The following PARP6 variants were observed in gnomAD, a reference collection of about 807,000 sequenced individuals.
The protein encoded by PARP6 is poly(ADP-ribose) polymerase family member 6.
Under a neutral mutation model 92.0 loss-of-function variants are expected in PARP6, and 27 were observed. The observed-to-expected ratio is 0.29, with a 90% CI of 0.22 to 0.40. The LOEUF (loss-of-function observed/expected upper bound fraction) is 0.40. Ranked by LOEUF, PARP6 falls within the 10% of genes least tolerant of loss-of-function variation. The pLI, the probability that PARP6 is intolerant of heterozygous loss-of-function variation, is 1.00. For missense variants in PARP6, 501 were observed against 784.5 expected, an observed-to-expected ratio of 0.64 and a Z score of 4.32; for synonymous variants, 272 against 281.2, an observed-to-expected ratio of 0.97 and a Z score of 0.33.
chr15:72,261,459 C>T, intron 9 of PARP6, 99 bp downstream of exon 9: 2 of 1,062,028 alleles, frequency 1.9e-6, no homozygotes, highest in Non-Finnish European at 2.8e-6. Flanking sequence ...AGACAGAATT[C>T]AGGGAAGAGA....
intron 8 of PARP6, 90 bp from the exon 9 acceptor site, chr15:72,261,797 C>T: frequency 8.0e-7 from 1 of 1,246,656 alleles, no homozygotes. Flanking sequence ...AAATTCAGAC[C>T]CAAGGACTGC....
At chr15:72,243,060 A>C in intron 20 of PARP6, 1 of 226,112 alleles carries the variant, frequency 4.4e-6, no homozygotes, top group African/African-American at 2.3e-5. Context: ...AGGATACAGA[A>C]GGCCTGAAGG....
At chr15:72,269,269 T>C (rs1028914409) in intron 2 of PARP6, among the ~76,000 whole-genome samples, 3 of 152,166 alleles carry the variant, frequency 2.0e-5, no homozygotes, top group African/African-American at 7.2e-5. Flanking sequence ...CAAGCAATTC[T>C]CCTGTCTCAG....
chr15:72,270,295 G>T (rs1210738800), intron 2 of PARP6, among the ~76,000 whole-genome samples: 1 of 152,126 alleles, frequency 6.6e-6, no homozygotes, highest in African/African-American at 2.4e-5. Context: ...GATAACAGAT[G>T]AAATAAATAC....
At chr15:72,266,086 G>T (rs1031790625) in intron 4 of PARP6, 95 bp from the exon 5 acceptor site, 1 of 868,656 alleles carries the variant, frequency 1.2e-6, no homozygotes, top group Non-Finnish European at 1.9e-6. Context: ...ACCAGGAACA[G>T]GAGAAATCAG....
At chr15:72,268,568 T>G (rs1423804007) in intron 2 of PARP6, among the ~76,000 whole-genome samples, 3 of 152,202 alleles carry the variant, frequency 2.0e-5, no homozygotes, top group Non-Finnish European at 4.4e-5. Context: ...TGTGGTGGCG[T>G]GCGCTTACGA....
chr15:72,256,842 G>C (rs899166069), intron 13 of PARP6, among the ~76,000 whole-genome samples: 2 of 152,244 alleles, frequency 1.3e-5, no homozygotes, highest in Middle Eastern at 3.4e-3. Flanking sequence ...TATCCTTCCA[G>C]ATAATTTTCC....
chr15:72,264,481 C>A, intron 8 of PARP6, 74 bp downstream of exon 8: 1 of 1,113,168 alleles, frequency 9.0e-7, no homozygotes, highest in Non-Finnish European at 1.4e-6. Flanking sequence ...AAGGCTCTGC[C>A]TGTCCATCCA....
chr15:72,264,184 T>C (rs2086263401), intron 8 of PARP6, among the ~76,000 whole-genome samples: 1 of 152,236 alleles, frequency 6.6e-6, no homozygotes, highest in Non-Finnish European at 1.5e-5. Context: ...TTCATTTCTT[T>C]GCATACCAAA....
chr15:72,249,320 AG>A lies in PARP6; in HGVS notation c.1492-7del. On this transcript the variant is annotated splice_region_variant and splice_polypyrimidine_tract_variant and intron_variant, in intron 19 of 23. Transcript: ENST00000569795. ...CCATAGGCTGCTCCATGCAGCTTGC[AG>A]GGAAACACCAGGATGAGTAATATGA... 6.4e-7 allele frequency: 1 copy of A among 1,571,204 alleles called. No individual in the cohort carries two copies. The highest frequency in any genetic ancestry group is 8.7e-7 in the Non-Finnish European group (1 of 1,145,702).
rs779847488 is a variant in PARP6, at chr15:72,265,451, C to A, written c.199G>T (p.Val67Leu). The A allele has an allele frequency of 1.2e-6, 2 of 1,613,348 alleles. No individual in the cohort carries two copies. Among genetic ancestry groups the A allele is most frequent in the East Asian group, 2.2e-5 (1 of 44,890 alleles). The stretch of plus-strand genomic sequence containing the variant: ...ATGTTGATGTGGAGGTCAATGTCCA[C>A]GTCATCGATAGTTCCATATTCTCTA... Reference protein sequence around the residue: ...SIREYGTIDDVDIDLHINISF... With the variant: ...SIREYGTIDDLDIDLHINISF... Residue 67 changes from valine (V) to leucine (L), a missense_variant, in exon 6 of 24, where the codon GTG becomes TTG. Physicochemically the swap from Val to Leu is conservative, Grantham distance 32. Coordinates refer to ENST00000569795, the MANE Select transcript of PARP6 (RefSeq NM_001323532.2).
intron 16 of PARP6, among the ~76,000 whole-genome samples, chr15:72,251,755 T>G (rs2140957796): frequency 6.6e-6 from 1 of 152,292 alleles, no homozygotes; most frequent in South Asian, 2.1e-4. Flanking sequence ...AGTTACTGTC[T>G]AGGCTGGAAA....
intron 9 of PARP6, 106 bp from the exon 10 acceptor site, chr15:72,260,794 A>C: frequency 1.3e-6 from 1 of 796,258 alleles, no homozygotes; most frequent in Admixed American, 1.9e-5. Flanking sequence ...AAACTAAAGA[A>C]AGACAAACTC....
chr15:72,270,029 T>A (rs1187659881), intron 2 of PARP6, among the ~76,000 whole-genome samples: 2 of 152,168 alleles, frequency 1.3e-5, no homozygotes, highest in African/African-American at 2.4e-5. Context: ...TAGTTCTAGA[T>A]CCTTGTGTGT....
chr15:72,253,071 G>C (rs2140970243), intron 16 of PARP6, among the ~76,000 whole-genome samples: 1 of 151,496 alleles, frequency 6.6e-6, no homozygotes, highest in African/African-American at 2.4e-5. Flanking sequence ...CCCAGCTACT[G>C]GGGAGGCTGA....
rs12438785 is a variant in PARP6 at position 72,267,988 on chromosome 15, G to T, written c.-194-317C>A. 2.0e-3 allele frequency among the ~76,000 whole-genome samples: 301 copies of T among 152,324 alleles called. 6 individuals are homozygous for T. The East Asian group carries it at 0.044, about 22-fold the overall frequency. ...GCTGGTCTCGAACTCCCGACTTCAG[G>T]TGACCTACCGGCCTCGGCCTCCCAA... On this transcript the variant is annotated intron_variant, in intron 2 of 23. Coordinates refer to ENST00000569795, the MANE Select transcript of PARP6 (RefSeq NM_001323532.2).
At chr15:72,255,474 T>C (rs1379807281) in intron 14 of PARP6, among the ~76,000 whole-genome samples, 3 of 151,948 alleles carry the variant, frequency 2.0e-5, no homozygotes, top group Non-Finnish European at 4.4e-5. Context: ...GGCTGGTCTT[T>C]AACTCCTCAC....
In PARP6 at chr15:72,265,998, T is replaced by C. The variant is rs2086541310; in HGVS notation, c.82-7A>G. Reference sequence around the variant, plus strand: ...GGTCAGCTGCACAGCTCCCCTGAGATAGCAGCAAAAATGGTGGTGGAGAGA... The same window carrying C: ...GGTCAGCTGCACAGCTCCCCTGAGACAGCAGCAAAAATGGTGGTGGAGAGA... On this transcript the variant is annotated splice_region_variant and splice_polypyrimidine_tract_variant and intron_variant, in intron 4 of 23. Coordinates refer to ENST00000569795, the MANE Select transcript of PARP6 (RefSeq NM_001323532.2). The C allele has an allele frequency of 1.9e-6, 3 of 1,599,374 alleles. No homozygotes were observed. Among genetic ancestry groups the C allele is most frequent in the Non-Finnish European group, 2.6e-6 (3 of 1,166,874 alleles).
At chr15:72,246,104 T>G (rs1214491541) in intron 20 of PARP6, among the ~76,000 whole-genome samples, 7 of 152,222 alleles carry the variant, frequency 4.6e-5, no homozygotes, top group Non-Finnish European at 1.0e-4. Context: ...GTTGGTCACT[T>G]GCCCTGTGTG....
Sources: gnomAD v4.1 joint callset for allele counts (sites outside exome capture counted in the v4.1 genomes callset) on GRCh38, gnomAD v4.1.1 for gene constraint, MANE v1.5 for transcripts, NCBI Gene and HGNC (gene_info 2026-07-23, HGNC 2026-07-21) for gene names.